Variants in PINX1 observed in about 807,000 individuals in gnomAD.
PINX1 encodes the protein PIN2 (TERF1) interacting telomerase inhibitor 1.
Under a neutral mutation model 25.4 loss-of-function variants are expected in PINX1, and 34 were observed. That is an observed-to-expected ratio of 1.34 (90% CI 1.02 to 1.78). The LOEUF (loss-of-function observed/expected upper bound fraction) is 1.78. Ranked by LOEUF, PINX1 falls within the 40% of genes most tolerant of loss-of-function variation. The pLI is 0.00. For missense variants in PINX1, 592 were observed against 404.9 expected (o/e 1.46, Z -3.97); for synonymous variants, 197 against 147.7 (o/e 1.33, Z -2.42).
intron 6 of PINX1, among the ~76,000 whole-genome samples, chr8:10,779,198 G>C (rs1320911481): frequency 6.6e-6 from 1 of 152,230 alleles, no homozygotes; most frequent in Non-Finnish European, 1.5e-5. Context: ...AAGCCCTGCA[G>C]AGTCTGACAG....
Position 10,765,763 on chromosome 8 carries a change from G to C in PINX1, c.625C>G (p.Arg209Gly). Residue 209 changes from arginine (R) to glycine (G), a missense_variant, in exon 7 of 7, where the codon CGT (arginine) becomes GGT (glycine). Arg to Gly is a moderately radical substitution (Grantham distance 125). Coordinates refer to ENST00000314787, the MANE Select transcript of PINX1 (RefSeq NM_017884.6). ...GSDISETQVE[R>G]KRGKKRNKEA... ...TTATTTCTTTTCTTCCCCCTTTTAC[G>C]TTCCACCTGCGTCTCAGAAATGTCA... 8 of 1,613,612 alleles carry C rather than the reference G, an allele frequency of 5.0e-6. No individual in the cohort carries two copies. The highest frequency in any genetic ancestry group is 6.8e-6 in the Non-Finnish European group (8 of 1,179,854).
At chr8:10,836,984 T>C (rs1011157674) in intron 1 of PINX1, among the ~76,000 whole-genome samples, 2 of 152,180 alleles carry the variant, frequency 1.3e-5, no homozygotes, top group Admixed American at 6.5e-5. Context: ...GTAATTCTCA[T>C]GCCACAGTCT....
intron 6 of PINX1, among the ~76,000 whole-genome samples, chr8:10,816,520 C>T (rs1468636016): frequency 6.6e-6 from 1 of 152,238 alleles, no homozygotes; most frequent in Non-Finnish European, 1.5e-5. Flanking sequence ...GAAGTCAAGT[C>T]GTTCTTCAGG....
At chr8:10,810,659 A>T (rs1326737690) in intron 6 of PINX1, among the ~76,000 whole-genome samples, 3 of 152,234 alleles carry the variant, frequency 2.0e-5, no homozygotes, top group Admixed American at 6.5e-5. Context: ...TCAACAAGGG[A>T]ACTACCGAGC....
chr8:10,794,152 A>C (rs886450148), intron 6 of PINX1, among the ~76,000 whole-genome samples: 3 of 152,222 alleles, frequency 2.0e-5, no homozygotes, highest in African/African-American at 7.2e-5. Flanking sequence ...AACGTTATGA[A>C]GTGGCAGTGA....
At chr8:10,836,077 C>G (rs950441300) in intron 1 of PINX1, among the ~76,000 whole-genome samples, 1 of 152,094 alleles carries the variant, frequency 6.6e-6, no homozygotes, top group African/African-American at 2.4e-5. Flanking sequence ...ATCAACACAA[C>G]CCCTCCTACC....
At chr8:10,815,267 A>G (rs1797664118) in intron 6 of PINX1, among the ~76,000 whole-genome samples, 1 of 152,230 alleles carries the variant, frequency 6.6e-6, no homozygotes, top group Admixed American at 6.5e-5. Context: ...AGACGCAAAA[A>G]GGTCAGAGAG....
intron 6 of PINX1, among the ~76,000 whole-genome samples, chr8:10,811,332 G>A (rs1014927482): frequency 1.3e-5 from 2 of 152,144 alleles, no homozygotes; most frequent in African/African-American, 2.4e-5. Context: ...GAAGAAACCA[G>A]AGTAGAACAT....
intron 5 of PINX1, among the ~76,000 whole-genome samples, chr8:10,820,974 C>A (rs1055692170): frequency 6.6e-6 from 1 of 152,184 alleles, no homozygotes; most frequent in Non-Finnish European, 1.5e-5. Flanking sequence ...ATTTCAAACC[C>A]CCAAACCAAC....
chr8:10,819,667 T>C (rs1156861586), intron 6 of PINX1, among the ~76,000 whole-genome samples: 1 of 152,242 alleles, frequency 6.6e-6, no homozygotes, highest in Non-Finnish European at 1.5e-5. Context: ...TCTTTTCTTC[T>C]AGTTGTAAGG....
At chr8:10,832,515 T>C (rs944606855) in intron 3 of PINX1, among the ~76,000 whole-genome samples, 3 of 152,248 alleles carry the variant, frequency 2.0e-5, no homozygotes, top group Admixed American at 6.5e-5. Context: ...ATATAAACTC[T>C]TTCTTTAGTG....
At chr8:10,797,184 T>A (rs1391091204) in intron 6 of PINX1, among the ~76,000 whole-genome samples, 1 of 152,136 alleles carries the variant, frequency 6.6e-6, no homozygotes, top group Non-Finnish European at 1.5e-5. Flanking sequence ...CTAGTCTGAG[T>A]CTTCAGCCAG....
chr8:10,777,184 C>G (rs985247443), intron 6 of PINX1, among the ~76,000 whole-genome samples: 1 of 152,230 alleles, frequency 6.6e-6, no homozygotes, highest in Non-Finnish European at 1.5e-5. Context: ...TGCCCTCACC[C>G]TCACTGCTTT....
At chr8:10,820,137 A>G in intron 6 of PINX1, 56 bp downstream of exon 6, 1 of 1,103,640 alleles carries the variant, frequency 9.1e-7, no homozygotes, top group East Asian at 2.4e-5. Flanking sequence ...TCCTATACAC[A>G]GGTGAAAATC....
At chr8:10,801,239 A>C (rs1366854721) in intron 6 of PINX1, among the ~76,000 whole-genome samples, 4 of 152,222 alleles carry the variant, frequency 2.6e-5, no homozygotes, top group Non-Finnish European at 5.9e-5. Context: ...TGGATTTCCA[A>C]TGATGGCTTA....
intron 1 of PINX1, among the ~76,000 whole-genome samples, chr8:10,838,058 T>A (rs1354691140): frequency 6.6e-6 from 1 of 152,242 alleles, no homozygotes; most frequent in East Asian, 1.9e-4. Flanking sequence ...GCGGTAACCC[T>A]AACCAAGTTG....
intron 6 of PINX1, chr8:10,771,502 G>C (rs1217745939): frequency 6.6e-6 from 1 of 152,166 alleles, no homozygotes; most frequent in East Asian, 1.9e-4. Flanking sequence ...TGCTTTGCTA[G>C]CATCTTCCCA....
chr8:10,832,644 T>A (rs938722714), intron 3 of PINX1, among the ~76,000 whole-genome samples: 1 of 152,182 alleles, frequency 6.6e-6, no homozygotes, highest in East Asian at 1.9e-4. Context: ...TGCAAAAACT[T>A]AGAAACAAAA....
chr8:10,835,892 A>T (rs1798390942), intron 1 of PINX1, among the ~76,000 whole-genome samples: 1 of 152,220 alleles, frequency 6.6e-6, no homozygotes, highest in Non-Finnish European at 1.5e-5. Flanking sequence ...ATTACTGATC[A>T]TTATGAACTC....
Sources: allele counts gnomAD v4.1 joint callset (sites outside exome capture counted in the v4.1 genomes callset), GRCh38; gene constraint gnomAD v4.1.1; transcripts MANE v1.5; gene names NCBI Gene and HGNC (gene_info 2026-07-23, HGNC 2026-07-21).